Variants in MYO5B observed in about 807,000 individuals in gnomAD.
MYO5B encodes unconventional myosin-Vb.
MYO5B carries 143 observed loss-of-function variants against 229.3 expected under a neutral mutation model. The observed-to-expected ratio is 0.62, with a 90% CI of 0.54 to 0.72. MYO5B has a LOEUF of 0.72. MYO5B is among the 30% of genes least tolerant of loss of function. MYO5B has a pLI of 0.00. For synonymous variants in MYO5B, 918 were observed against 885.2 expected (o/e 1.04, Z -0.66); for missense variants, 2,321 against 2,331.0 (o/e 1.00, Z 0.09).
chr18:49,910,568 TA>T lies in MYO5B; in HGVS notation c.2202+1493del, dbSNP rs879465681. ...CAGCCTGTTACCCCCTTACCCTGTT[TA>T]AAAAAAAAAAAAAGATGGCATGGCA... On this transcript the variant is annotated intron_variant, in intron 18 of 39. Coordinates refer to ENST00000285039, the MANE Select transcript of MYO5B (RefSeq NM_001080467.3). Among the ~76,000 whole-genome samples, 1,240 of 141,986 alleles carry T rather than the reference TA, an allele frequency of 8.7e-3. 6 individuals are homozygous for T. The highest frequency in any genetic ancestry group is 0.019 in the African/African-American group (720 of 38,876). The allele number at this position is 141,986 out of a possible 152,430, so 93.1% of individuals were successfully genotyped here.
chr18:49,949,620 A>T (rs2025411721), intron 14 of MYO5B, among the ~76,000 whole-genome samples: 2 of 152,178 alleles, frequency 1.3e-5, no homozygotes, highest in Non-Finnish European at 2.9e-5. Flanking sequence ...CTGCTTAATT[A>T]TTCATGATGA....
intron 1 of MYO5B, among the ~76,000 whole-genome samples, chr18:50,104,540 T>C (rs4939616): frequency 0.32 from 49,187 of 151,852 alleles, 9,191 homozygotes; most frequent in Admixed American, 0.47. Flanking sequence ...TGATGATTCC[T>C]GTCTTTATTT....
At chr18:50,099,130 C>A (rs1005356373) in intron 1 of MYO5B, 2 of 152,264 alleles carry the variant, frequency 1.3e-5, no homozygotes, top group African/African-American at 2.4e-5. Flanking sequence ...CAATCCGCAT[C>A]CAAGCTTGTC....
chr18:50,103,730 G>A (rs2144506008), intron 1 of MYO5B, among the ~76,000 whole-genome samples: 1 of 151,244 alleles, frequency 6.6e-6, no homozygotes, highest in East Asian at 2.0e-4. Context: ...AACAGAGCAA[G>A]ACCTTGTCTC....
chr18:50,079,755 G>C (rs1002816031), intron 1 of MYO5B, among the ~76,000 whole-genome samples: 1 of 151,860 alleles, frequency 6.6e-6, no homozygotes, highest in Non-Finnish European at 1.5e-5. Flanking sequence ...GAATCAGACT[G>C]TCCAAGTCCA....
intron 1 of MYO5B, among the ~76,000 whole-genome samples, chr18:50,102,724 C>A (rs1284330559): frequency 6.9e-6 from 1 of 144,426 alleles, no homozygotes; most frequent in Non-Finnish European, 1.5e-5. Context: ...AACCTCAGAA[C>A]CAATGAATTA....
At chr18:49,922,525 A>G (rs2025085718) in intron 17 of MYO5B, among the ~76,000 whole-genome samples, 1 of 152,158 alleles carries the variant, frequency 6.6e-6, no homozygotes, top group Non-Finnish European at 1.5e-5. Flanking sequence ...GCAGCTCAAT[A>G]CAGTACTAAC....
chr18:49,932,416 C>T (rs2025203614), intron 16 of MYO5B, among the ~76,000 whole-genome samples: 1 of 152,162 alleles, frequency 6.6e-6, no homozygotes, highest in South Asian at 2.1e-4. Flanking sequence ...AACATTGTTC[C>T]CTCTTCGTGA....
At chr18:49,957,658 A>G (rs1487496124) in intron 12 of MYO5B, among the ~76,000 whole-genome samples, 98 of 139,610 alleles carry the variant, frequency 7.0e-4, no homozygotes, top group African/African-American at 2.4e-3. Flanking sequence ...AAAACAAAAC[A>G]AAACAAAACA....
intron 5 of MYO5B, 64 bp from the exon 6 acceptor site, chr18:49,992,495 A>C: frequency 6.2e-7 from 1 of 1,610,812 alleles, no homozygotes; most frequent in Non-Finnish European, 8.5e-7. Flanking sequence ...TCAGGATTGT[A>C]TGTTTGTGGC....
At chr18:49,974,324 T>G in intron 10 of MYO5B, 26 bp downstream of exon 10, 1 of 1,614,106 alleles carries the variant, frequency 6.2e-7, no homozygotes, top group Non-Finnish European at 8.5e-7. Flanking sequence ...AGGTAGCAGA[T>G]AGAGCGAGAC....
At chr18:50,184,271 A>G (rs2033116325) in intron 1 of MYO5B, among the ~76,000 whole-genome samples, 2 of 152,124 alleles carry the variant, frequency 1.3e-5, no homozygotes, top group African/African-American at 4.8e-5. Flanking sequence ...TGGCAGTGGC[A>G]AAAGAACACA....
At chr18:50,181,596 C>A (rs1239752594) in intron 1 of MYO5B, among the ~76,000 whole-genome samples, 1 of 152,224 alleles carries the variant, frequency 6.6e-6, no homozygotes, top group Admixed American at 6.5e-5. Flanking sequence ...AGGTTTGAAG[C>A]CAGTTTCATA....
rs373246002 is a variant in MYO5B, at chr18:49,974,550, G to A, written c.1122C>T (p.His374=). Residue 374 remains histidine (H), a synonymous_variant, in exon 10 of 40, where the codon CAC becomes CAT. Transcript: ENST00000285039. ...TGACCAGCTTGCGATGACACAGCCAGTGCTCCATCTGACTGTGCTCCACCC... is the reference window on the plus strand; with the variant it reads ...TGACCAGCTTGCGATGACACAGCCAATGCTCCATCTGACTGTGCTCCACCC... ...LLGVEHSQME[H]WLCHRKLVTT... 6.2e-7 allele frequency: 1 copy of A among 1,614,180 alleles called. No individual in the cohort carries two copies. Among genetic ancestry groups the A allele is most frequent in the Non-Finnish European group, 8.5e-7 (1 of 1,180,028 alleles).
At chr18:49,970,599 C>T (rs1308858303) in intron 10 of MYO5B, among the ~76,000 whole-genome samples, 2 of 152,312 alleles carry the variant, frequency 1.3e-5, no homozygotes, top group East Asian at 3.9e-4. Context: ...TGTATTCACT[C>T]TGGCTGTGAG....
At chr18:49,866,462 C>T (rs565807088) in intron 27 of MYO5B, among the ~76,000 whole-genome samples, 3 of 152,290 alleles carry the variant, frequency 2.0e-5, no homozygotes, top group South Asian at 2.1e-4. Context: ...AACTTTTTCA[C>T]CTTTTCCAGC....
In MYO5B at chr18:49,974,507, C is replaced by T. The variant is rs781404633; in HGVS notation, c.1165G>A (p.Val389Ile). Residue 389 changes from valine to isoleucine, a missense_variant, in exon 10 of 40, where the codon GTC becomes ATC. By Grantham distance (29) the Val-to-Ile change is conservative (BLOSUM62 3). Transcript: ENST00000285039. ...RKLVTTSETY[V>I]KTMSLQQVIN... ...ACCTGCTGCAGGGACATGGTCTTGA[C>T]GTAGGTCTCCGAGGTGGTGACCAGC... is the stretch of plus-strand genomic sequence containing the variant. 9 of 1,614,156 alleles carry T rather than the reference C, an allele frequency of 5.6e-6. No homozygotes were observed. Among genetic ancestry groups the T allele is most frequent in the African/African-American group, 4.0e-5 (3 of 75,034 alleles).
chr18:50,113,375 T>C (rs1483960077), intron 1 of MYO5B, among the ~76,000 whole-genome samples: 1 of 152,234 alleles, frequency 6.6e-6, no homozygotes, highest in African/African-American at 2.4e-5. Context: ...TGATCATTTT[T>C]GCCAGTTGCA....
chr18:49,897,262 G>A (rs1182394693), intron 21 of MYO5B, among the ~76,000 whole-genome samples: 1 of 152,146 alleles, frequency 6.6e-6, no homozygotes, highest in Non-Finnish European at 1.5e-5. Flanking sequence ...AGGGCATGGG[G>A]TGCCCACACC....
Sources: allele counts gnomAD v4.1 joint callset (sites outside exome capture counted in the v4.1 genomes callset), GRCh38; gene constraint gnomAD v4.1.1; transcripts MANE v1.5; gene names NCBI Gene and HGNC (gene_info 2026-07-23, HGNC 2026-07-21).